SFXN3: variants seen among roughly 807,000 people sequenced by gnomAD.
SFXN3 encodes the protein sideroflexin-3.
SFXN3 carries 31 observed loss-of-function variants against 40.4 expected under a neutral mutation model. That is an observed-to-expected ratio of 0.77 (90% CI 0.58 to 1.04). The LOEUF is 1.04. Among genes scored for constraint, SFXN3 ranks in the 50% least tolerant of loss-of-function variants. The pLI is 0.00. For missense variants in SFXN3, 366 were observed against 408.2 expected, an observed-to-expected ratio of 0.90 and a Z score of 0.89; for synonymous variants, 157 against 160.0, an observed-to-expected ratio of 0.98 and a Z score of 0.14.
At chr10:101,037,481 G>C (rs1370167556) in intron 9 of SFXN3, 50 bp downstream of exon 9, 2 of 1,614,016 alleles carry the variant, frequency 1.2e-6, no homozygotes, top group Non-Finnish European at 1.7e-6. Flanking sequence ...GCTGGGAGAA[G>C]TGACCAGGCC....
In SFXN3 at chr10:101,036,587, A is replaced by AC. The variant is rs771058829; in HGVS notation, c.507+30dup. On this transcript the variant is annotated intron_variant, in intron 6 of 11. Transcript: ENST00000393459. This position sits in a 1 kb window ranked among gnomAD's most constrained non-coding sequence, Gnocchi z 4.2. The stretch of plus-strand genomic sequence containing the variant: ...GTAAAGGCCCCTCACTCCCCTGACC[A>AC]CCCCATTCATCCTCTATCTGCCTCC... 1 of 1,612,822 alleles carries AC rather than the reference A, an allele frequency of 6.2e-7. No individual in the cohort carries two copies. The highest frequency in any genetic ancestry group is 1.1e-5 in the South Asian group (1 of 90,982).
chr10:101,035,632 C>A, exon 4 of SFXN3: 1 of 1,613,582 alleles, frequency 6.2e-7, no homozygotes, highest in South Asian at 1.1e-5. Flanking sequence ...TGCCCATGAA[C>A]ATGACCATCA....
At chr10:101,034,589 T>C (rs2134195717) in intron 2 of SFXN3, 103 bp from the exon 3 acceptor site, 1 of 1,237,928 alleles carries the variant, frequency 8.1e-7, no homozygotes, top group East Asian at 2.3e-5. Context: ...TTGAAGGGAC[T>C]GATGATAAGC....
In SFXN3 at chr10:101,036,030, G is replaced by A; in HGVS notation, c.360G>A (p.Gln120=). The change falls in exon 5 of 12, where the codon CAG becomes CAA. Residue 120 remains glutamine (Q), a synonymous_variant. Transcript: ENST00000393459. This position sits in a 1 kb window ranked among gnomAD's most constrained non-coding sequence, Gnocchi z 4.2. ...AGACCCCAACCGTGGTGTTCTGGCAGTGGGTGAATCAGTCCTTCAATGCCA... is the reference window on the plus strand; with the variant it reads ...AGACCCCAACCGTGGTGTTCTGGCAATGGGTGAATCAGTCCTTCAATGCCA... 1.9e-6 allele frequency: 3 copies of A among 1,614,116 alleles called. No individual in the cohort carries two copies. The highest frequency in any genetic ancestry group is 2.5e-6 in the Non-Finnish European group (3 of 1,179,998).
chr10:101,039,188 AC>A lies in SFXN3; in HGVS notation c.841del (p.Leu281CysfsTer14). 6.2e-7 allele frequency: 1 copy of A among 1,610,730 alleles called. No homozygotes were observed. The highest frequency in any genetic ancestry group is 8.5e-7 in the Non-Finnish European group (1 of 1,178,324). On this transcript the variant is annotated frameshift_variant, in exon 11 of 12. Transcript: ENST00000393459. LOFTEE classifies it high-confidence loss of function. The surrounding 1 kb of genome is among the most constrained non-coding windows in gnomAD (Gnocchi z 4.6). ...TGTCTCCCCCAGCCTGGTATTTGCA[AC>A]CCCCCTGTGCTGTGCCCTATTCCCC...
At chr10:101,035,949 TA>T (rs1243002446) in intron 4 of SFXN3, 53 bp from the exon 5 acceptor site, 1 of 1,506,950 alleles carries the variant, frequency 6.6e-7, no homozygotes, top group Non-Finnish European at 9.2e-7. Context: ...TACAGGGGTC[TA>T]AAGATGAGGG....
intron 4 of SFXN3, 29 bp from the exon 5 acceptor site, chr10:101,035,974 G>A (rs76529895): frequency 0.081 from 128,997 of 1,585,824 alleles, 5,974 homozygotes; most frequent in Non-Finnish European, 0.095. Flanking sequence ...CTGTAGACGG[G>A]GCAGAAGTGA....
chr10:101,034,603 G>A lies in SFXN3; in HGVS notation c.-3-89G>A, dbSNP rs1342808573. ...CTTGAAGGGACTGATGATAAGCTCA[G>A]GGGCCAGGGCAGGGGCACCAAAGAT... On this transcript the variant is annotated intron_variant, in intron 2 of 11. Transcript: ENST00000393459. 2.8e-6 allele frequency: 4 copies of A among 1,425,768 alleles called. No individual in the cohort carries two copies. In the African/African-American group the frequency reaches 4.3e-5, roughly 15 times the overall value. The allele number at this position is 1,425,768 out of a possible 1,614,324, so 88.3% of individuals were successfully genotyped here.
At chr10:101,037,038 G>A (rs756636698) in intron 7 of SFXN3, 38 bp from the exon 8 acceptor site, 28 of 1,610,056 alleles carry the variant, frequency 1.7e-5, no homozygotes, top group South Asian at 1.2e-4. Context: ...GGTGGGATCC[G>A]GGGCCTGTGA....
intron 9 of SFXN3, chr10:101,037,702 A>T (rs1938689600): frequency 7.1e-7 from 1 of 1,400,770 alleles, no homozygotes; most frequent in African/African-American, 1.4e-5. Context: ...GGGGACTGTC[A>T]TAGTCATGCT....
chr10:101,038,226 C>A, intron 9 of SFXN3: 1 of 1,085,724 alleles, frequency 9.2e-7, no homozygotes, highest in South Asian at 2.7e-5. Context: ...GTTGGTGGTC[C>A]CTGTGGCCAG....
In SFXN3 at chr10:101,039,253, CT is replaced by C; in HGVS notation, c.869+32del. ...TGCTGTCCCTGGGCTGGGTGGGGGACTCTGGATTGGACTCTGCATCTCTGGA... is the reference window on the plus strand; with the variant it reads ...TGCTGTCCCTGGGCTGGGTGGGGGACCTGGATTGGACTCTGCATCTCTGGA... On this transcript the variant is annotated intron_variant, in intron 11 of 11. Transcript: ENST00000393459. The surrounding 1 kb of genome is among the most constrained non-coding windows in gnomAD (Gnocchi z 4.6). The C allele has an allele frequency of 6.3e-7, 1 of 1,584,656 alleles. No individual in the cohort carries two copies. Among genetic ancestry groups the C allele is most frequent in the Non-Finnish European group, 8.6e-7 (1 of 1,161,852 alleles).
At chr10:101,038,651 C>T in exon 10 of SFXN3, 6 of 1,613,632 alleles carry the variant, frequency 3.7e-6, no homozygotes, top group Non-Finnish European at 5.1e-6. Context: ...AGCGCCGCCC[C>T]TGGCTGGGGG....
rs758602365 is a variant in SFXN3 at position 101,036,725 on chromosome 10, C to A, written c.510C>A (p.His170Gln). The A allele has an allele frequency of 6.2e-7, 1 of 1,609,940 alleles. No individual in the cohort carries two copies. The highest frequency in any genetic ancestry group is 8.5e-7 in the Non-Finnish European group (1 of 1,176,664). ...TGAACAACACCCTTCCTCCCCAGCA[C>A]CTGCCCCCCTTGGTCGGCAGATTTG... Residue 170 changes from histidine (H) to glutamine (Q), a missense_variant and splice_region_variant, in exon 7 of 12, where the codon CAC becomes CAA. Transcript: ENST00000393459. The surrounding 1 kb of genome is among the most constrained non-coding windows in gnomAD (Gnocchi z 4.2).
At chr10:101,032,199 G>T in intron 1 of SFXN3, 115 bp from the exon 2 acceptor site, 1 of 397,934 alleles carries the variant, frequency 2.5e-6, no homozygotes, top group South Asian at 7.6e-5. Flanking sequence ...CCTTTGGCTG[G>T]GGAGGGGGCC....
rs755816353 is a variant in SFXN3 at position 101,038,647 on chromosome 10, G to GC, written c.780dup (p.Trp261LeufsTer47). ...TGTCTTTCTGTCTCTCCACAGCGCC[G>GC]CCCCTGGCTGGGGGCACCCCTGCAG... is the stretch of plus-strand genomic sequence containing the variant. On this transcript the variant is annotated frameshift_variant, in exon 10 of 12. Coordinates refer to ENST00000393459, the Ensembl canonical transcript of SFXN3. LOFTEE classifies it high-confidence loss of function. 1.2e-6 allele frequency: 2 copies of GC among 1,613,604 alleles called. No homozygotes were observed. The highest frequency in any genetic ancestry group is 4.5e-5 in the East Asian group (2 of 44,886).
chr10:101,033,491 C>A (rs966389601), intron 2 of SFXN3, among the ~76,000 whole-genome samples: 3 of 152,106 alleles, frequency 2.0e-5, no homozygotes, highest in Non-Finnish European at 2.9e-5. Context: ...GGACATTGCC[C>A]AGGAAACAGC....
In SFXN3 at chr10:101,036,980, G is replaced by A; in HGVS notation, c.594-96G>A. 1 of 1,557,160 alleles carries A rather than the reference G, an allele frequency of 6.4e-7. No homozygotes were observed. The highest frequency in any genetic ancestry group is 8.7e-7 in the Non-Finnish European group (1 of 1,150,828). ...GTGGGAGAACCAGCCTTTGAGCCTG[G>A]GGTGTGTGAGGGGACCCTGAGGAGC... On this transcript the variant is annotated intron_variant, in intron 7 of 11. Transcript: ENST00000393459. This position sits in a 1 kb window ranked among gnomAD's most constrained non-coding sequence, Gnocchi z 4.2.
In SFXN3 at chr10:101,034,571, T is replaced by C. The variant is rs1938491133; in HGVS notation, c.-3-121T>C. ...TTTCTTTTCCCTACATCTAGTCACC[T>C]TGAGCTCTTGAAGGGACTGATGATA... On this transcript the variant is annotated intron_variant, in intron 2 of 11. Transcript: ENST00000393459. The C allele has an allele frequency of 9.0e-6, 9 of 1,003,104 alleles. No homozygotes were observed. In the South Asian group the frequency reaches 1.0e-4, roughly 12 times the overall value. The allele number at this position is 1,003,104 out of a possible 1,614,324, so 62.1% of individuals were successfully genotyped here.
Sources: allele counts gnomAD v4.1 joint callset (sites outside exome capture counted in the v4.1 genomes callset), GRCh38; gene constraint gnomAD v4.1.1; non-coding constraint Gnocchi (gnomAD v3.1); transcripts MANE v1.5; gene names NCBI Gene and HGNC (gene_info 2026-07-23, HGNC 2026-07-21).